TRAF3: variants seen among roughly 807,000 people sequenced by gnomAD.
The protein encoded by TRAF3 is TNF receptor associated factor 3, also known as TNF receptor-associated factor 3.
Under a neutral mutation model 62.3 loss-of-function variants are expected in TRAF3, and 13 were observed. The observed-to-expected ratio is 0.21, with a 90% CI of 0.14 to 0.33. The LOEUF (loss-of-function observed/expected upper bound fraction) is 0.33, where lower values mean the gene tolerates loss of function less well. Among genes scored for constraint, TRAF3 ranks in the 10% least tolerant of loss-of-function variants. The probability of loss-of-function intolerance (pLI) is 1.00; values close to 1 mark genes in which losing one functional copy is unlikely to be tolerated. For synonymous variants in TRAF3, 269 were observed against 283.4 expected (o/e 0.95, Z 0.51); for missense variants, 440 against 741.8 (o/e 0.59, Z 4.73).
At chr14:102,875,788 A>G in intron 5 of TRAF3, 60 bp downstream of exon 5, 2 of 1,420,090 alleles carry the variant, frequency 1.4e-6, no homozygotes, top group Non-Finnish European at 2.0e-6. Context: ...CCTTACATCC[A>G]GCTGATGAAG....
chr14:102,874,919 AG>A (rs1888561112), intron 4 of TRAF3, among the ~76,000 whole-genome samples: 1 of 152,172 alleles, frequency 6.6e-6, no homozygotes, highest in Non-Finnish European at 1.5e-5. Flanking sequence ...GGTTTCCCAA[AG>A]TGCTGGGATT....
intron 2 of TRAF3, among the ~76,000 whole-genome samples, chr14:102,844,876 TAA>T (rs536467868): frequency 1.2e-4 from 16 of 137,492 alleles, no homozygotes; most frequent in African/African-American, 2.9e-4. Flanking sequence ...CTCCCACCTC[TAA>T]AAAAAAAAAA....
In TRAF3 at chr14:102,907,928, G is replaced by A. The variant is rs1890665086; in HGVS notation, c.*2144G>A. ...CATAAAGGAAGGACTTCCTGCAGAA[G>A]CTGCGGAAAACTACTGTTCCCTCGA... On this transcript the variant is annotated 3_prime_UTR_variant, in exon 12 of 12. Transcript: ENST00000392745. 6.6e-6 allele frequency: 1 copy of A among 152,310 alleles called. No homozygotes were observed. The highest frequency in any genetic ancestry group is 1.5e-5 in the Non-Finnish European group (1 of 68,058). The allele number at this position is 152,310 out of a possible 1,614,324, so 9.4% of individuals were successfully genotyped here.
chr14:102,820,593 TA>T (rs1899859341), intron 1 of TRAF3, among the ~76,000 whole-genome samples: 8 of 6,914 alleles, frequency 1.2e-3, no homozygotes, highest in African/African-American at 2.2e-3. Context: ...TATATATATA[TA>T]TATATATATA....
intron 2 of TRAF3, among the ~76,000 whole-genome samples, chr14:102,831,295 CCATGTCGCCCACA>C (rs944660194): frequency 6.6e-6 from 1 of 152,146 alleles, no homozygotes; most frequent in African/African-American, 2.4e-5. Context: ...GTGAGGAAAC[CCATGTCGCCCACA>C]CAGGAGGACC....
chr14:102,814,268 T>A (rs1434592920), intron 1 of TRAF3, among the ~76,000 whole-genome samples: 1 of 152,226 alleles, frequency 6.6e-6, no homozygotes, highest in East Asian at 1.9e-4. Context: ...TTTCCATTGG[T>A]CTGTGTATCT....
At chr14:102,792,893 G>A (rs976493127) in intron 1 of TRAF3, among the ~76,000 whole-genome samples, 1 of 151,614 alleles carries the variant, frequency 6.6e-6, no homozygotes, top group Non-Finnish European at 1.5e-5. Flanking sequence ...CCAGGCTGGA[G>A]TGCAGTGGTG....
intron 3 of TRAF3, among the ~76,000 whole-genome samples, chr14:102,870,892 T>G (rs1342423552): frequency 6.6e-6 from 1 of 152,192 alleles, no homozygotes; most frequent in African/African-American, 2.4e-5. Context: ...GCCGCATGCT[T>G]ACTCAGCAGG....
intron 10 of TRAF3, among the ~76,000 whole-genome samples, chr14:102,900,179 GGAAAA>G (rs1890211077): frequency 1.2e-5 from 1 of 83,768 alleles, no homozygotes; most frequent in Admixed American, 1.5e-4. Context: ...ACTCCGTCTC[GGAAAA>G]AAAAAAAAAA....
intron 1 of TRAF3, among the ~76,000 whole-genome samples, chr14:102,788,797 CAA>C (rs1897635015): frequency 1.1e-5 from 1 of 87,418 alleles, no homozygotes; most frequent in Admixed American, 1.0e-4. Context: ...GACTCCATCT[CAA>C]AACAAAACAA....
chr14:102,816,686 A>G (rs1017062829), intron 1 of TRAF3, among the ~76,000 whole-genome samples: 2 of 152,174 alleles, frequency 1.3e-5, no homozygotes, highest in East Asian at 1.9e-4. Flanking sequence ...TTATATGATG[A>G]TCATATGATT....
intron 10 of TRAF3, among the ~76,000 whole-genome samples, chr14:102,898,632 A>G (rs1755689899): frequency 6.6e-6 from 1 of 152,276 alleles, no homozygotes; most frequent in Admixed American, 6.5e-5. Context: ...TAGCCACAAC[A>G]GAAGGAAGAA....
Position 102,903,534 on chromosome 14 carries a change from G to A in TRAF3, c.1135+105G>A. On this transcript the variant is annotated intron_variant, in intron 11 of 11. Coordinates refer to ENST00000392745, the MANE Select transcript of TRAF3 (RefSeq NM_145725.3). This position sits in a 1 kb window ranked among gnomAD's most constrained non-coding sequence, Gnocchi z 6.4. ...GGCTATGTTAGGTACATGTGCCTTA[G>A]GACAGTTTTTTCTAATTATGGGTAA... 6.6e-7 allele frequency: 1 copy of A among 1,518,742 alleles called. No individual in the cohort carries two copies. Among genetic ancestry groups the A allele is most frequent in the Non-Finnish European group, 9.0e-7 (1 of 1,112,624 alleles). The allele number at this position is 1,518,742 out of a possible 1,614,324, so 94.1% of individuals were successfully genotyped here.
At chr14:102,867,326 A>C (rs893260129) in intron 2 of TRAF3, among the ~76,000 whole-genome samples, 1 of 152,236 alleles carries the variant, frequency 6.6e-6, no homozygotes, top group African/African-American at 2.4e-5. Flanking sequence ...TCTAAAAAGC[A>C]TTCTTAGTTC....
chr14:102,856,861 G>A (rs757411413), intron 2 of TRAF3, among the ~76,000 whole-genome samples: 1 of 152,202 alleles, frequency 6.6e-6, no homozygotes, highest in Non-Finnish European at 1.5e-5. Flanking sequence ...TCAGGGTAGA[G>A]AAGAGCTCAG....
At chr14:102,837,493 G>A (rs767363915) in intron 2 of TRAF3, among the ~76,000 whole-genome samples, 31 of 152,196 alleles carry the variant, frequency 2.0e-4, no homozygotes, top group Non-Finnish European at 4.0e-4. Context: ...TAGCCTAGCC[G>A]AGATCTTAAA....
rs145746335 is a variant in TRAF3, at chr14:102,881,711, C to T, written c.571-4478C>T. 4.4e-3 allele frequency among the ~76,000 whole-genome samples: 677 copies of T among 152,270 alleles called. 2 individuals are homozygous for T. Among genetic ancestry groups the T allele is most frequent in the African/African-American group, 0.015 (632 of 41,556 alleles). ...CACATTTACCTGTGTAACAAACCCA[C>T]GCATCTTGCACATGTACCCTGGAAC... On this transcript the variant is annotated intron_variant, in intron 6 of 11. Transcript: ENST00000392745.
chr14:102,806,362 A>C (rs1223938985), intron 1 of TRAF3, among the ~76,000 whole-genome samples: 1 of 152,216 alleles, frequency 6.6e-6, no homozygotes, highest in African/African-American at 2.4e-5. Context: ...TGGAGGCTAG[A>C]GTGCCCAGAA....
At chr14:102,870,745 A>G (rs549884063) in intron 3 of TRAF3, among the ~76,000 whole-genome samples, 1 of 152,232 alleles carries the variant, frequency 6.6e-6, no homozygotes, top group East Asian at 1.9e-4. Flanking sequence ...TCACAGTTCC[A>G]TGGAGGAGAT....
Sources: allele counts gnomAD v4.1 joint callset (sites outside exome capture counted in the v4.1 genomes callset), GRCh38; gene constraint gnomAD v4.1.1; non-coding constraint Gnocchi (gnomAD v3.1); transcripts MANE v1.5; gene names NCBI Gene and HGNC (gene_info 2026-07-23, HGNC 2026-07-21).